The following NTM variants were observed in gnomAD, a reference collection of about 807,000 sequenced individuals.
The protein encoded by NTM is neurotrimin, also known as IgLON family member 2.
NTM carries 13 observed loss-of-function variants against 42.1 expected under a neutral mutation model. That is an observed-to-expected ratio of 0.31 (90% CI 0.20 to 0.49). NTM has a LOEUF of 0.49. Ranked by LOEUF, NTM falls within the 20% of genes least tolerant of loss-of-function variation. The pLI, the probability that NTM is intolerant of heterozygous loss-of-function variation, is 0.99. For missense variants in NTM, 373 were observed against 452.8 expected, an observed-to-expected ratio of 0.82 and a Z score of 1.60; for synonymous variants, 187 against 179.2, an observed-to-expected ratio of 1.04 and a Z score of -0.35.
chr11:131,889,633 C>T (rs1286900465), intron 1 of NTM, among the ~76,000 whole-genome samples: 1 of 152,120 alleles, frequency 6.6e-6, no homozygotes, highest in Non-Finnish European at 1.5e-5. Flanking sequence ...CTCAGTGGAG[C>T]CTGTTTGCCT....
chr11:132,081,715 C>T (rs1430215883), intron 2 of NTM, among the ~76,000 whole-genome samples: 2 of 147,250 alleles, frequency 1.4e-5, no homozygotes, highest in East Asian at 3.9e-4. Flanking sequence ...TAGAGCGAGA[C>T]TCCATCTAAA....
At chr11:131,881,693 A>T (rs991655357) in intron 1 of NTM, among the ~76,000 whole-genome samples, 2 of 152,206 alleles carry the variant, frequency 1.3e-5, no homozygotes, top group African/African-American at 4.8e-5. Context: ...AGGAAGTACC[A>T]AAAAGGCTAT....
chr11:132,254,975 A>C (rs1248453713), intron 4 of NTM, among the ~76,000 whole-genome samples: 1 of 152,208 alleles, frequency 6.6e-6, no homozygotes, highest in Non-Finnish European at 1.5e-5. Flanking sequence ...ATGTCCCCAG[A>C]CATTTCCAGA....
intron 1 of NTM, among the ~76,000 whole-genome samples, chr11:131,424,187 G>A (rs1389143405): frequency 1.3e-5 from 2 of 152,082 alleles, no homozygotes; most frequent in African/African-American, 4.8e-5. Context: ...TGCAGAATAG[G>A]AAGAATTTCT....
intron 1 of NTM, among the ~76,000 whole-genome samples, chr11:131,745,261 C>G (rs562724764): frequency 2.6e-5 from 4 of 152,110 alleles, no homozygotes; most frequent in Non-Finnish European, 4.4e-5. Context: ...GAATGCCTGT[C>G]CCCTACACAG....
chr11:132,076,474 G>T (rs1429835948), intron 2 of NTM, among the ~76,000 whole-genome samples: 1 of 152,214 alleles, frequency 6.6e-6, no homozygotes, highest in African/African-American at 2.4e-5. Flanking sequence ...CAGTGTAGTG[G>T]ACAAGCTGGG....
intron 1 of NTM, among the ~76,000 whole-genome samples, chr11:131,684,063 G>T (rs1183836673): frequency 7.2e-5 from 11 of 152,194 alleles, no homozygotes; most frequent in Admixed American, 7.2e-4. Flanking sequence ...CGTGTGAGGA[G>T]AATTCAAGAT....
chr11:131,519,528 C>T (rs912764664), intron 1 of NTM, among the ~76,000 whole-genome samples: 1 of 144,202 alleles, frequency 6.9e-6, no homozygotes, highest in Non-Finnish European at 1.5e-5. Flanking sequence ...TTATGACCAA[C>T]CCAACTCTTC....
chr11:132,215,998 G>T (rs923762775), intron 4 of NTM, among the ~76,000 whole-genome samples: 1 of 152,202 alleles, frequency 6.6e-6, no homozygotes, highest in African/African-American at 2.4e-5. Context: ...TCTGTAGGTA[G>T]AAAAAAGGAA....
intron 4 of NTM, among the ~76,000 whole-genome samples, chr11:132,265,873 C>G (rs921131024): frequency 3.3e-5 from 5 of 152,148 alleles, no homozygotes; most frequent in African/African-American, 9.7e-5. Context: ...AAGTAGAAAG[C>G]CCAGGGAAAC....
chr11:132,070,521 G>C (rs1372562625), intron 2 of NTM, among the ~76,000 whole-genome samples: 8 of 117,286 alleles, frequency 6.8e-5, no homozygotes, highest in African/African-American at 1.0e-4. Flanking sequence ...ACGTCACACA[G>C]CCAAGTTAAC....
At chr11:131,742,128 G>C (rs1366022392) in intron 1 of NTM, among the ~76,000 whole-genome samples, 1 of 152,150 alleles carries the variant, frequency 6.6e-6, no homozygotes, top group Non-Finnish European at 1.5e-5. Flanking sequence ...TGGATACCAG[G>C]CTTAATACCT....
At chr11:132,100,997 T>C (rs1469843177) in intron 2 of NTM, among the ~76,000 whole-genome samples, 8 of 152,214 alleles carry the variant, frequency 5.3e-5, no homozygotes, top group Non-Finnish European at 1.2e-4. Flanking sequence ...CTCATTTGTA[T>C]CTGAGTGTTT....
At chr11:131,657,562 C>G (rs1487673588) in intron 1 of NTM, among the ~76,000 whole-genome samples, 1 of 152,214 alleles carries the variant, frequency 6.6e-6, no homozygotes, top group African/African-American at 2.4e-5. Context: ...ACTGTCTCCT[C>G]AGAACACCCC....
At chr11:131,781,351 C>T (rs1188314263) in intron 1 of NTM, among the ~76,000 whole-genome samples, 5 of 151,614 alleles carry the variant, frequency 3.3e-5, no homozygotes, top group African/African-American at 9.7e-5. Context: ...ACAAATCATA[C>T]TGAATAGGAG....
chr11:131,981,181 T>TGA lies in NTM; in HGVS notation c.167+69535_167+69536dup, dbSNP rs1301080650. The TGA allele has an allele frequency of 3.3e-5, 5 of 152,298 alleles. No homozygotes were observed. In the South Asian group the frequency reaches 6.2e-4, roughly 19 times the overall value. 9.4% of individuals were successfully genotyped at this position (152,298 alleles called of 1,614,324 possible). A position where few individuals can be genotyped will look rare whatever the true frequency, so the allele number is the denominator to read the frequency against. The stretch of plus-strand genomic sequence containing the variant: ...CAACGTGGACAAATCCCAAACAATG[T>TGA]GAGCCCTTTGGGAATGCTCCGCTTT... On this transcript the variant is annotated intron_variant, in intron 2 of 8. Coordinates refer to ENST00000683400, the MANE Select transcript of NTM (RefSeq NM_001352005.2).
At chr11:131,572,914 G>C (rs1395717619) in intron 1 of NTM, among the ~76,000 whole-genome samples, 1 of 152,168 alleles carries the variant, frequency 6.6e-6, no homozygotes, top group Non-Finnish European at 1.5e-5. Context: ...CTGGTGAGGA[G>C]AGCTCGGACC....
At chr11:131,537,543 C>A (rs1029973988) in intron 1 of NTM, 11 of 152,210 alleles carry the variant, frequency 7.2e-5, no homozygotes, top group African/African-American at 2.7e-4. Context: ...TACTTAAGGT[C>A]CTTCCTGGGA....
intron 4 of NTM, among the ~76,000 whole-genome samples, chr11:132,248,433 A>G (rs1455830105): frequency 6.6e-6 from 1 of 151,412 alleles, no homozygotes; most frequent in African/African-American, 2.4e-5. Context: ...GCTTTAATAC[A>G]TGACTGTTAT....
Sources: allele counts gnomAD v4.1 joint callset (sites outside exome capture counted in the v4.1 genomes callset), GRCh38; gene constraint gnomAD v4.1.1; transcripts MANE v1.5; gene names NCBI Gene and HGNC (gene_info 2026-07-23, HGNC 2026-07-21).